Variants in TEX10 observed in about 807,000 individuals in gnomAD.
TEX10 encodes testis-expressed protein 10.
In TEX10, 24 loss-of-function variants were observed where a neutral mutation model predicts 104.4. The ratio of observed to expected loss-of-function variants is 0.23; its 90% CI spans 0.17 to 0.32. The LOEUF (loss-of-function observed/expected upper bound fraction) is 0.32, where lower values mean the gene tolerates loss of function less well. TEX10 is among the 10% of genes least tolerant of loss of function. The pLI, the probability that TEX10 is intolerant of heterozygous loss-of-function variation, is 1.00. For missense variants in TEX10, 921 were observed against 1,083.9 expected (o/e 0.85, Z 2.11); for synonymous variants, 396 against 393.4 (o/e 1.01, Z -0.08).
At chr9:100,350,816 T>C (rs1402907394) in intron 1 of TEX10, among the ~76,000 whole-genome samples, 1 of 152,218 alleles carries the variant, frequency 6.6e-6, no homozygotes, top group East Asian at 1.9e-4. Context: ...ATTTACTTAA[T>C]TACAGGGTTA....
intron 2 of TEX10, among the ~76,000 whole-genome samples, chr9:100,348,808 G>A (rs1835367005): frequency 6.6e-6 from 1 of 152,144 alleles, no homozygotes. Flanking sequence ...CTACTTGGGA[G>A]GCTGAAGTAG....
At chr9:100,308,073 T>C (rs1376207624) in intron 13 of TEX10, among the ~76,000 whole-genome samples, 1 of 152,200 alleles carries the variant, frequency 6.6e-6, no homozygotes, top group African/African-American at 2.4e-5. Context: ...TTAAAAGCAC[T>C]AGCATCTTAG....
At chr9:100,305,652 TA>T (rs1834125810) in intron 13 of TEX10, 1 of 151,436 alleles carries the variant, frequency 6.6e-6, no homozygotes. Context: ...GCCAGATGGG[TA>T]AAACCTCTAG....
chr9:100,348,350 G>A (rs966721434), intron 2 of TEX10, among the ~76,000 whole-genome samples: 1 of 152,162 alleles, frequency 6.6e-6, no homozygotes, highest in Admixed American at 6.5e-5. Flanking sequence ...GGTGATAGTA[G>A]CATAACTCTG....
chr9:100,329,321 TA>T lies in TEX10; in HGVS notation c.1490-47del, dbSNP rs1564212031. Reference sequence around the variant, plus strand: ...ACTTGCATATGAATCAAAAAATGTTTAACAGCCCCCAAATTCCTCTGAATGC... The same window carrying T: ...ACTTGCATATGAATCAAAAAATGTTTACAGCCCCCAAATTCCTCTGAATGC... On this transcript the variant is annotated intron_variant, in intron 6 of 14. Transcript: ENST00000374902. 3 of 1,573,940 alleles carry T rather than the reference TA, an allele frequency of 1.9e-6. No homozygotes were observed. In the South Asian group the frequency reaches 3.6e-5, roughly 19 times the overall value.
rs555716230 is a variant in TEX10, at chr9:100,313,555, A to T, written c.2203-3176T>A. Among the ~76,000 whole-genome samples, 27 of 151,386 alleles carry T rather than the reference A, an allele frequency of 1.8e-4. No individual in the cohort carries two copies. The South Asian group carries it at 5.6e-3, about 32-fold the overall frequency. On this transcript the variant is annotated intron_variant, in intron 11 of 14. Transcript: ENST00000374902. Reference sequence around the variant, plus strand: ...AAAAGAAAAAGAAAAAAATTTAAGAAATAAAGAATAGGGTCGGGCACAGTG... The same window carrying T: ...AAAAGAAAAAGAAAAAAATTTAAGATATAAAGAATAGGGTCGGGCACAGTG...
chr9:100,331,893 A>G (rs542551140), intron 5 of TEX10, among the ~76,000 whole-genome samples: 2 of 152,244 alleles, frequency 1.3e-5, no homozygotes, highest in South Asian at 4.1e-4. Context: ...AATTAGCCAG[A>G]TTTGAAATAT....
chr9:100,318,974 C>G (rs1834495007), intron 11 of TEX10, among the ~76,000 whole-genome samples: 1 of 151,886 alleles, frequency 6.6e-6, no homozygotes, highest in South Asian at 2.1e-4. Context: ...GGAGGATCAC[C>G]TGAGGTTAGG....
intron 9 of TEX10, among the ~76,000 whole-genome samples, chr9:100,324,362 T>C (rs1834650597): frequency 6.6e-6 from 1 of 152,166 alleles, no homozygotes; most frequent in Non-Finnish European, 1.5e-5. Flanking sequence ...TGAAAAGTGA[T>C]AAAATGATGG....
rs1044041997 is a variant in TEX10, at chr9:100,327,877, T to C, written c.1711A>G (p.Thr571Ala). 2.5e-6 allele frequency: 4 copies of C among 1,608,548 alleles called. No homozygotes were observed. Among genetic ancestry groups the C allele is most frequent in the African/African-American group, 1.3e-5 (1 of 74,968 alleles). The change falls in exon 8 of 15, where the codon ACA becomes GCA. Residue 571 changes from threonine (T) to alanine (A), a missense_variant. This residue lies in a region of TEX10 where 753 missense variants were observed against 868.4 expected (regional missense o/e 0.87). Transcript: ENST00000374902. ...GTATGAATGATATCGATAAGCTGTG[T>C]AGAGAGCTCAGGATTTCGGGAGCCA... ...HLGSRNPELSTQLIDIIHTAA... is the reference protein window; with the variant it reads ...HLGSRNPELSAQLIDIIHTAA...
At chr9:100,325,194 T>A (rs1374654363) in intron 9 of TEX10, among the ~76,000 whole-genome samples, 1 of 152,018 alleles carries the variant, frequency 6.6e-6, no homozygotes, top group Non-Finnish European at 1.5e-5. Flanking sequence ...AGATAGGGGA[T>A]CTATACAAGA....
chr9:100,306,025 T>A (rs1335633851), intron 13 of TEX10: 1 of 151,800 alleles, frequency 6.6e-6, no homozygotes, highest in African/African-American at 2.4e-5. Context: ...AACAAGAACT[T>A]TAAAGAAACA....
Position 100,346,859 on chromosome 9 carries a change from C to A in TEX10, c.728G>T (p.Ser243Ile). The change falls in exon 3 of 15, where the codon AGT (serine) becomes ATT (isoleucine). Residue 243 changes from serine to isoleucine, a missense_variant. Coordinates refer to ENST00000374902, the MANE Select transcript of TEX10 (RefSeq NM_017746.4). ...AAGTCCTTCACTTTCTCTCAACCTA[C>A]TGGATCCATCTGCCAAGGCCTGAAG... Reference protein sequence around the residue: ...KFLQALADGSSRLRESEGLQE... With the variant: ...KFLQALADGSIRLRESEGLQE... The A allele has an allele frequency of 6.2e-7, 1 of 1,614,156 alleles. No homozygotes were observed. Among genetic ancestry groups the A allele is most frequent in the Non-Finnish European group, 8.5e-7 (1 of 1,180,018 alleles).
At chr9:100,344,625 A>C (rs1321074128) in intron 4 of TEX10, among the ~76,000 whole-genome samples, 1 of 152,186 alleles carries the variant, frequency 6.6e-6, no homozygotes, top group Non-Finnish European at 1.5e-5. Flanking sequence ...CGGGTGGATC[A>C]CCTGAGGTCA....
chr9:100,339,318 TTA>T (rs1214243268), intron 5 of TEX10, among the ~76,000 whole-genome samples: 4 of 140,096 alleles, frequency 2.9e-5, no homozygotes, highest in Admixed American at 1.5e-4. Flanking sequence ...TATTTGTTTT[TTA>T]TATATATTTA....
chr9:100,320,745 G>C (rs1366319719), intron 10 of TEX10, among the ~76,000 whole-genome samples: 1 of 152,198 alleles, frequency 6.6e-6, no homozygotes, highest in Non-Finnish European at 1.5e-5. Context: ...AGTAAAAGCA[G>C]TAATATACTC....
intron 9 of TEX10, among the ~76,000 whole-genome samples, chr9:100,324,034 G>A (rs7874036): frequency 0.13 from 20,144 of 151,958 alleles, 1,390 homozygotes; most frequent in Non-Finnish European, 0.15. Context: ...TGAACTAACC[G>A]TCAGTCTTTT....
In TEX10 at chr9:100,320,172, G is replaced by T. The variant is rs1263189507; in HGVS notation, c.2202+93C>A. ...CACTTTAAACAAGTATCTTTGAAAA[G>T]ATCTCACACAAGGCAACTCATATAT... On this transcript the variant is annotated intron_variant, in intron 11 of 14. Transcript: ENST00000374902. 8.5e-6 allele frequency: 10 copies of T among 1,175,624 alleles called. No individual in the cohort carries two copies. The East Asian group carries it at 2.2e-4, about 25-fold the overall frequency. The allele number at this position is 1,175,624 out of a possible 1,614,324, so 72.8% of individuals were successfully genotyped here.
chr9:100,310,427 C>G, intron 11 of TEX10, 48 bp from the exon 12 acceptor site: 1 of 1,512,652 alleles, frequency 6.6e-7, no homozygotes, highest in African/African-American at 1.4e-5. Flanking sequence ...CATTTTAGAT[C>G]AGAAACAAGT....
Sources: allele counts gnomAD v4.1 joint callset (sites outside exome capture counted in the v4.1 genomes callset), GRCh38; gene constraint gnomAD v4.1.1; regional missense constraint gnomAD v4.1.1; transcripts MANE v1.5; gene names NCBI Gene and HGNC (gene_info 2026-07-23, HGNC 2026-07-21).